OLFM1: variants seen among roughly 807,000 people sequenced by gnomAD.
The protein encoded by OLFM1 is olfactomedin 1.
OLFM1 carries 9 observed loss-of-function variants against 49.7 expected under a neutral mutation model. That is an observed-to-expected ratio of 0.18 (90% CI 0.11 to 0.32). OLFM1 has a LOEUF of 0.32. Ranked by LOEUF, OLFM1 falls within the 10% of genes least tolerant of loss-of-function variation. OLFM1 has a pLI of 1.00. For synonymous variants in OLFM1, 240 were observed against 271.8 expected (o/e 0.88, Z 1.15); for missense variants, 369 against 661.8 (o/e 0.56, Z 4.85).
upstream of OLFM1, among the ~76,000 whole-genome samples, chr9:135,087,029 A>G (rs558481444): frequency 6.6e-6 from 1 of 152,084 alleles, no homozygotes; most frequent in South Asian, 2.1e-4. Flanking sequence ...ACGGCAGACC[A>G]CCCCAGCCCC....
intron 1 of OLFM1, among the ~76,000 whole-genome samples, chr9:135,078,581 C>T (rs756207070): frequency 1.3e-5 from 2 of 152,222 alleles, no homozygotes; most frequent in Non-Finnish European, 2.9e-5. Context: ...CATGGTCTTG[C>T]TCTGTGATTT....
At chr9:135,081,647 T>A (rs1029918129) in intron 1 of OLFM1, among the ~76,000 whole-genome samples, 6 of 152,122 alleles carry the variant, frequency 3.9e-5, no homozygotes, top group Non-Finnish European at 7.4e-5. Context: ...CCGTTAAATG[T>A]CTCAGCATGT....
chr9:135,096,657 G>A lies in OLFM1; in HGVS notation c.456+638G>A, dbSNP rs543462470. On this transcript the variant is annotated intron_variant, in intron 3 of 5. Transcript: ENST00000371793. ...CGAATATTAGCTGGGAAGGGACATC[G>A]TTATTGGCCCTTGTCATTCTGCAGC... 5.9e-5 allele frequency among the ~76,000 whole-genome samples: 9 copies of A among 152,346 alleles called. No individual in the cohort carries two copies. In the East Asian group the frequency reaches 1.2e-3, roughly 20 times the overall value.
intron 3 of OLFM1, among the ~76,000 whole-genome samples, chr9:135,096,458 C>G (rs1238875395): frequency 6.6e-6 from 1 of 152,024 alleles, no homozygotes; most frequent in African/African-American, 2.4e-5. Context: ...TGTTCTGTGC[C>G]TTGAAAGGAC....
At chr9:135,077,302 C>A in intron 1 of OLFM1, 1 of 1,426,002 alleles carries the variant, frequency 7.0e-7, no homozygotes, top group Non-Finnish European at 9.2e-7. Flanking sequence ...TCTGGGTGGT[C>A]CTGGACATGG....
At chr9:135,075,954 C>A in intron 1 of OLFM1, 1 of 1,317,338 alleles carries the variant, frequency 7.6e-7, no homozygotes, top group Non-Finnish European at 9.7e-7. Flanking sequence ...GGGGCCAGGG[C>A]GCTAGGCTGG....
intron 2 of OLFM1, among the ~76,000 whole-genome samples, chr9:135,091,419 G>A (rs1385682123): frequency 4.0e-5 from 6 of 151,498 alleles, no homozygotes; most frequent in Admixed American, 6.6e-5. Flanking sequence ...CCACACACAC[G>A]CACACTCACA....
upstream of OLFM1, among the ~76,000 whole-genome samples, chr9:135,085,988 T>G (rs1282344015): frequency 6.6e-6 from 1 of 152,262 alleles, no homozygotes; most frequent in Non-Finnish European, 1.5e-5. Flanking sequence ...CTATGGCTTC[T>G]GAGATGGCCT....
At position 135,091,653 on chromosome 9, in the gene OLFM1, TCACA is replaced by T. The variant is rs72348057; in HGVS notation, c.300+1318_300+1321del. ...CACATAGTCACACACACTCACATAG[TCACA>T]CACACACAGTCACACACTCACACAT... On this transcript the variant is annotated intron_variant, in intron 2 of 5. Transcript: ENST00000371793. Among the ~76,000 whole-genome samples, 96 of 22,334 alleles carry T rather than the reference TCACA, an allele frequency of 4.3e-3. 8 individuals carry two copies. The highest frequency in any genetic ancestry group is 6.3e-3 in the Non-Finnish European group (75 of 11,988). 14.7% of individuals were successfully genotyped at this position (22,334 alleles called of 152,430 possible).
At chr9:135,111,956 C>A (rs565002916) in intron 5 of OLFM1, among the ~76,000 whole-genome samples, 1 of 152,276 alleles carries the variant, frequency 6.6e-6, no homozygotes, top group African/African-American at 2.4e-5. Context: ...ACCTCATGAT[C>A]CACCTACATC....
At chr9:135,112,477 G>A (rs1831036778) in intron 5 of OLFM1, among the ~76,000 whole-genome samples, 2 of 150,954 alleles carry the variant, frequency 1.3e-5, no homozygotes, top group South Asian at 2.1e-4. Flanking sequence ...GACAGGGCCT[G>A]TGTCCCCAGC....
At chr9:135,103,789 G>A (rs891081021) in intron 4 of OLFM1, among the ~76,000 whole-genome samples, 1 of 152,156 alleles carries the variant, frequency 6.6e-6, no homozygotes, top group African/African-American at 2.4e-5. Context: ...CTGACTCTGT[G>A]GCAGGTGCTG....
exon 1 of OLFM1, chr9:135,075,718 T>C (rs749523199): frequency 1.2e-6 from 2 of 1,600,234 alleles, no homozygotes; most frequent in African/African-American, 2.7e-5. Flanking sequence ...TGCCAGGTCG[T>C]TGGAGGTGGC....
In OLFM1 at chr9:135,093,968, A is replaced by G. The variant is rs534183356; in HGVS notation, c.301-1896A>G. 6.6e-5 allele frequency among the ~76,000 whole-genome samples: 10 copies of G among 152,290 alleles called. No homozygotes were observed. In the East Asian group the frequency reaches 1.4e-3, roughly 21 times the overall value. Reference sequence around the variant, plus strand: ...TTAAATCTAAAGTCTAATCTTTGAAATCTTTTAAAAGCATTCCTTCTCTGG... The same window carrying G: ...TTAAATCTAAAGTCTAATCTTTGAAGTCTTTTAAAAGCATTCCTTCTCTGG... On this transcript the variant is annotated intron_variant, in intron 2 of 5. Coordinates refer to ENST00000371793, the MANE Select transcript of OLFM1 (RefSeq NM_001282611.2).
At chr9:135,075,984 G>GCC in intron 1 of OLFM1, 2 of 1,365,664 alleles carry the variant, frequency 1.5e-6, no homozygotes, top group African/African-American at 1.5e-5. Context: ...GGAGGGAGGG[G>GCC]TGCAGGCTGA....
rs1463723768 is a variant in OLFM1 at position 135,113,366 on chromosome 9, C to T, written c.784-6138C>T. 6.6e-6 allele frequency among the ~76,000 whole-genome samples: 1 copy of T among 152,194 alleles called. No individual in the cohort carries two copies. The highest frequency in any genetic ancestry group is 2.4e-5 in the African/African-American group (1 of 41,448). On this transcript the variant is annotated intron_variant, in intron 5 of 5. Transcript: ENST00000371793. The surrounding 1 kb of genome is among the most constrained non-coding windows in gnomAD (Gnocchi z 4.0). Reference sequence around the variant, plus strand: ...GGTGCCTGGGCCTGATGAGCTCCAGCAGGCTCTGAGGGCCGTGTCTAGCCT... The same window carrying T: ...GGTGCCTGGGCCTGATGAGCTCCAGTAGGCTCTGAGGGCCGTGTCTAGCCT...
chr9:135,086,330 G>T (rs1249482025), upstream of OLFM1, among the ~76,000 whole-genome samples: 1 of 152,238 alleles, frequency 6.6e-6, no homozygotes, highest in Non-Finnish European at 1.5e-5. Flanking sequence ...GATCTGAGGG[G>T]CTCATTTAAC....
intron 1 of OLFM1, among the ~76,000 whole-genome samples, chr9:135,079,967 A>G (rs900877354): frequency 6.6e-6 from 1 of 152,002 alleles, no homozygotes; most frequent in Non-Finnish European, 1.5e-5. Flanking sequence ...GCCTGCATTG[A>G]GAAGTGGGCA....
intron 2 of OLFM1, among the ~76,000 whole-genome samples, chr9:135,091,614 C>CAGTCACACACACTCACAT (rs373622216): frequency 0.02 from 2,760 of 136,242 alleles, 157 homozygotes; most frequent in Admixed American, 0.044. Flanking sequence ...CATAGTCACA[C>CAGTCACACACACTCACAT]AGTCACACAC....
Sources: allele counts gnomAD v4.1 joint callset (sites outside exome capture counted in the v4.1 genomes callset), GRCh38; gene constraint gnomAD v4.1.1; non-coding constraint Gnocchi (gnomAD v3.1); transcripts MANE v1.5; gene names NCBI Gene and HGNC (gene_info 2026-07-23, HGNC 2026-07-21).